The following ZSWIM4 variants were observed in gnomAD, a reference collection of about 807,000 sequenced individuals.
The protein encoded by ZSWIM4 is zinc finger SWIM domain-containing protein 4.
In ZSWIM4, 62 loss-of-function variants were observed where a neutral mutation model predicts 102.5. The ratio of observed to expected loss-of-function variants is 0.60; its 90% CI spans 0.49 to 0.75. The LOEUF (loss-of-function observed/expected upper bound fraction) is 0.75, where lower values mean the gene tolerates loss of function less well. ZSWIM4 is among the 30% of genes least tolerant of loss of function. The probability of loss-of-function intolerance (pLI) is 0.00; values close to 1 mark genes in which losing one functional copy is unlikely to be tolerated. For missense variants in ZSWIM4, 1,280 were observed against 1,529.6 expected, an observed-to-expected ratio of 0.84 and a Z score of 2.72; for synonymous variants, 652 against 674.5, an observed-to-expected ratio of 0.97 and a Z score of 0.52.
At chr19:13,799,666 A>G in intron 1 of ZSWIM4, 54 bp from the exon 2 acceptor site, 2 of 1,572,968 alleles carry the variant, frequency 1.3e-6, no homozygotes, top group South Asian at 1.1e-5. Flanking sequence ...AAGCTTCCCA[A>G]AGCGCTGGGA....
rs374135175 is a variant in ZSWIM4 at position 13,804,970 on chromosome 19, C to T, written c.534C>T (p.His178=). 3.2e-5 allele frequency: 52 copies of T among 1,613,128 alleles called. 1 individual carries two copies. Among genetic ancestry groups the T allele is most frequent in the Admixed American group, 1.0e-4 (6 of 60,006 alleles). The change falls in exon 3 of 14, where the codon CAC becomes CAT. Residue 178 remains histidine, a synonymous_variant. Transcript: ENST00000590508. ...VVALSLYRIR[H]AHQVELRLPI... Reference sequence around the variant, plus strand: ...CCCTGTCCCTGTACCGCATTCGGCACGCCCACCAGGTGGAGCTGCGGCTGC... The same window carrying T: ...CCCTGTCCCTGTACCGCATTCGGCATGCCCACCAGGTGGAGCTGCGGCTGC...
rs373743399 is a variant in ZSWIM4 at position 13,809,108 on chromosome 19, G to A, written c.900G>A (p.Ala300=). The change falls in exon 5 of 14, where the codon GCG becomes GCA. Residue 300 remains alanine (A), a synonymous_variant. Transcript: ENST00000590508. The surrounding 1 kb of genome is among the most constrained non-coding windows in gnomAD (Gnocchi z 4.2). ...EMLRMRDSNG[A]RMLILMTEQF... is the part of the protein sequence containing the mutation. ...TGCGAATGCGGGACTCCAACGGGGC[G>A]CGCATGCTGATTCTCATGACCGAGC... The A allele has an allele frequency of 4.5e-5, 72 of 1,613,638 alleles. No homozygotes were observed. The highest frequency in any genetic ancestry group is 5.8e-5 in the Non-Finnish European group (68 of 1,179,774).
At chr19:13,816,849 G>A (rs1420131522) in intron 7 of ZSWIM4, among the ~76,000 whole-genome samples, 1 of 152,116 alleles carries the variant, frequency 6.6e-6, no homozygotes, top group Admixed American at 6.6e-5. Context: ...AAGGCTGTTG[G>A]GGCTTTATCT....
chr19:13,805,400 C>T (rs1041824069), intron 3 of ZSWIM4, among the ~76,000 whole-genome samples: 9 of 151,812 alleles, frequency 5.9e-5, no homozygotes, highest in Non-Finnish European at 8.8e-5. Context: ...GGAGATCCTG[C>T]GTTAGAGGGC....
chr19:13,812,344 A>C (rs1050903568), intron 5 of ZSWIM4, among the ~76,000 whole-genome samples: 1 of 151,628 alleles, frequency 6.6e-6, no homozygotes, highest in East Asian at 2.0e-4. Context: ...CCCAGGCTGG[A>C]GTACAGTGGT....
chr19:13,809,988 TTTC>T lies in ZSWIM4; in HGVS notation c.1012+771_1012+773del, dbSNP rs992597233. Among the ~76,000 whole-genome samples the T allele has an allele frequency of 1.4e-5, 2 of 147,700 alleles. No individual in the cohort carries two copies. Among genetic ancestry groups the T allele is most frequent in the African/African-American group, 5.1e-5 (2 of 38,952 alleles). Reference sequence around the variant, plus strand: ...TTTTTGTTTGTTTGTTTTCTTTTCTTTTCTTTTTTTTTTTTTGAGAAGGAGTCT... The same window carrying T: ...TTTTTGTTTGTTTGTTTTCTTTTCTTTTTTTTTTTTTTTGAGAAGGAGTCT... On this transcript the variant is annotated intron_variant, in intron 5 of 13. Coordinates refer to ENST00000590508, the MANE Select transcript of ZSWIM4 (RefSeq NM_001367834.3). This position sits in a 1 kb window ranked among gnomAD's most constrained non-coding sequence, Gnocchi z 4.2.
intron 2 of ZSWIM4, among the ~76,000 whole-genome samples, chr19:13,800,136 C>T (rs1434243841): frequency 7.1e-6 from 1 of 140,214 alleles, no homozygotes; most frequent in East Asian, 2.2e-4. Flanking sequence ...GGCGCGATCT[C>T]GGCTCACTGC....
chr19:13,808,334 T>A (rs1052709256), intron 3 of ZSWIM4, among the ~76,000 whole-genome samples: 4 of 151,290 alleles, frequency 2.6e-5, no homozygotes, highest in Non-Finnish European at 2.9e-5. Flanking sequence ...GAGGGATGGA[T>A]GGATGGATAA....
intron 10 of ZSWIM4, among the ~76,000 whole-genome samples, chr19:13,819,845 T>G (rs1023302437): frequency 6.7e-6 from 1 of 149,726 alleles, no homozygotes; most frequent in African/African-American, 2.5e-5. Flanking sequence ...TTTTTGTTTT[T>G]TGTTTTTTTT....
chr19:13,824,633 G>C (rs963851880), intron 11 of ZSWIM4, among the ~76,000 whole-genome samples: 1 of 152,044 alleles, frequency 6.6e-6, no homozygotes, highest in African/African-American at 2.4e-5. Context: ...TTGGGAGGCT[G>C]AGGCAGGAGA....
At chr19:13,795,964 C>T (rs1974601496) in intron 1 of ZSWIM4, among the ~76,000 whole-genome samples, 163 bp downstream of exon 1, 1 of 150,160 alleles carries the variant, frequency 6.7e-6, no homozygotes, top group African/African-American at 2.5e-5. Context: ...AACACCCCCT[C>T]ATCCTCCTGT....
chr19:13,802,799 G>A (rs745712427), intron 2 of ZSWIM4, among the ~76,000 whole-genome samples: 6 of 151,910 alleles, frequency 3.9e-5, no homozygotes, highest in Non-Finnish European at 7.4e-5. Flanking sequence ...GGCTGGTCTC[G>A]AACTCCTGGG....
intron 2 of ZSWIM4, among the ~76,000 whole-genome samples, 164 bp downstream of exon 2, chr19:13,800,085 T>TTTTTTTTTTTG (rs1974720422): frequency 6.8e-6 from 1 of 146,586 alleles, no homozygotes; most frequent in African/African-American, 2.6e-5. Flanking sequence ...TTTTTTTTTT[T>TTTTTTTTTTTG]GAGACGGAGT....
chr19:13,795,839 C>T (rs762487328), intron 1 of ZSWIM4, 38 bp downstream of exon 1: 1 of 1,194,896 alleles, frequency 8.4e-7, no homozygotes. Context: ...AGGGACGCAC[C>T]CCCAGCACCT....
Position 13,813,087 on chromosome 19 carries a change from T to G in ZSWIM4, c.1103T>G (p.Leu368Arg), listed in dbSNP as rs765738186. 2 of 1,613,928 alleles carry G rather than the reference T, an allele frequency of 1.2e-6. No individual in the cohort carries two copies. Among genetic ancestry groups the G allele is most frequent in the South Asian group, 1.1e-5 (1 of 91,062 alleles). Residue 368 changes from leucine (L) to arginine (R), a missense_variant, in exon 6 of 14, where the codon CTC (leucine) becomes CGC (arginine). Physicochemically the swap from Leu to Arg is moderately radical, Grantham distance 102. Coordinates refer to ENST00000590508, the MANE Select transcript of ZSWIM4 (RefSeq NM_001367834.3). ...WLQLLSRWDK[L>R]DVCPLEEGNY... is the part of the protein sequence containing the mutation. ...CAGCTACTCAGCAGGTGGGACAAGC[T>G]CGACGTCTGCCCACTGGAAGAGGGC...
At chr19:13,818,334 G>T (rs942587487) in intron 9 of ZSWIM4, among the ~76,000 whole-genome samples, 39 of 152,180 alleles carry the variant, frequency 2.6e-4, no homozygotes, top group Non-Finnish European at 4.7e-4. Context: ...CCCCGCCAAT[G>T]GCCAGGCCCT....
In ZSWIM4 at chr19:13,818,842, G is replaced by C. The variant is rs942530647; in HGVS notation, c.1925-515G>C. Among the ~76,000 whole-genome samples, 7 of 147,736 alleles carry C rather than the reference G, an allele frequency of 4.7e-5. No individual in the cohort carries two copies. In the Admixed American group the frequency reaches 4.7e-4, roughly 10 times the overall value. ...GCCTCCCAAAGTGCTGGGATTACAGGCATGAGCCGTGGTCCCCTGCCTCCT... is the reference window on the plus strand; with the variant it reads ...GCCTCCCAAAGTGCTGGGATTACAGCCATGAGCCGTGGTCCCCTGCCTCCT... On this transcript the variant is annotated intron_variant, in intron 9 of 13. Coordinates refer to ENST00000590508, the MANE Select transcript of ZSWIM4 (RefSeq NM_001367834.3).
At chr19:13,814,121 A>T (rs562912990) in intron 6 of ZSWIM4, among the ~76,000 whole-genome samples, 1 of 149,016 alleles carries the variant, frequency 6.7e-6, no homozygotes, top group Non-Finnish European at 1.5e-5. Flanking sequence ...CAGTGACGCA[A>T]CCTTGGCTCA....
intron 9 of ZSWIM4, 42 bp downstream of exon 9, chr19:13,818,018 G>A: frequency 6.2e-6 from 9 of 1,452,118 alleles, no homozygotes; most frequent in Non-Finnish European, 8.2e-6. Context: ...TGAAGGGTAG[G>A]GTCCAGCCCC....
Sources: gnomAD v4.1 joint callset for allele counts (sites outside exome capture counted in the v4.1 genomes callset) on GRCh38, gnomAD v4.1.1 for gene constraint, Gnocchi (gnomAD v3.1) non-coding constraint, MANE v1.5 for transcripts, NCBI Gene and HGNC (gene_info 2026-07-23, HGNC 2026-07-21) for gene names.